Variants in CASZ1 observed in about 807,000 individuals in gnomAD.
The protein encoded by CASZ1 is castor zinc finger 1, also known as zinc finger protein castor homolog 1.
Under a neutral mutation model 135.2 loss-of-function variants are expected in CASZ1, and 28 were observed. That is an observed-to-expected ratio of 0.21 (90% CI 0.15 to 0.28). CASZ1 has a LOEUF of 0.28. CASZ1 is among the 10% of genes least tolerant of loss of function. The pLI, the probability that CASZ1 is intolerant of heterozygous loss-of-function variation, is 1.00. For synonymous variants in CASZ1, 1,068 were observed against 1,073.4 expected (o/e 0.99, Z 0.10); for missense variants, 2,161 against 2,453.3 (o/e 0.88, Z 2.52).
At chr1:10,738,261 C>A (rs1639839002) in intron 2 of CASZ1, among the ~76,000 whole-genome samples, 1 of 152,170 alleles carries the variant, frequency 6.6e-6, no homozygotes. Flanking sequence ...GCCGCCTGGG[C>A]CTTCCAGGTG....
intron 2 of CASZ1, among the ~76,000 whole-genome samples, chr1:10,734,365 T>C (rs1639757702): frequency 6.6e-6 from 1 of 152,092 alleles, no homozygotes; most frequent in Non-Finnish European, 1.5e-5. Context: ...CATCTTTTTA[T>C]TTTGTTTTTT....
At chr1:10,775,927 G>A (rs1039551970) in intron 1 of CASZ1, among the ~76,000 whole-genome samples, 1 of 151,964 alleles carries the variant, frequency 6.6e-6, no homozygotes, top group Non-Finnish European at 1.5e-5. Flanking sequence ...GTACCCTCCC[G>A]CTGCAGCCTC....
rs748228810 is a variant in CASZ1 at position 10,646,165 on chromosome 1, A to G, written c.3659T>C (p.Phe1220Ser). The change falls in exon 17 of 21, where the codon TTT (phenylalanine) becomes TCT (serine). Residue 1220 changes from phenylalanine to serine, a missense_variant. Transcript: ENST00000377022. This position sits in a 1 kb window ranked among gnomAD's most constrained non-coding sequence, Gnocchi z 6.4. ...GAGACACTGCAGAGAGTAGTATGCA[A>G]ACTGGTCTCGCACGTTCACCAGGTT... ...NNNLVNVRDQ[F>S]AYYSLQCLCP... 6.2e-7 allele frequency: 1 copy of G among 1,614,122 alleles called. No homozygotes were observed.
At position 10,699,259 on chromosome 1, in the gene CASZ1, T is replaced by C. The variant is rs1299878788; in HGVS notation, c.-23-5347A>G. On this transcript the variant is annotated intron_variant, in intron 3 of 20. Transcript: ENST00000377022. The surrounding 1 kb of genome is among the most constrained non-coding windows in gnomAD (Gnocchi z 4.6). ...TCCTGGGAAGTCAACGGCCCTGAACTGGCCAGGAGGAACGCCCTTGTGCCC... is the reference window on the plus strand; with the variant it reads ...TCCTGGGAAGTCAACGGCCCTGAACCGGCCAGGAGGAACGCCCTTGTGCCC... Among the ~76,000 whole-genome samples the C allele has an allele frequency of 6.6e-6, 1 of 152,214 alleles. No homozygotes were observed. The highest frequency in any genetic ancestry group is 2.4e-5 in the African/African-American group (1 of 41,452).
intron 20 of CASZ1, among the ~76,000 whole-genome samples, chr1:10,640,849 C>T (rs1347607668): frequency 6.6e-6 from 1 of 152,184 alleles, no homozygotes; most frequent in East Asian, 1.9e-4. Flanking sequence ...ATTTAGGATG[C>T]CCCCCTGCCA....
At chr1:10,675,591 G>A (rs917350147) in intron 4 of CASZ1, among the ~76,000 whole-genome samples, 2 of 152,134 alleles carry the variant, frequency 1.3e-5, no homozygotes, top group African/African-American at 4.8e-5. Context: ...GGAGGTGCCA[G>A]GTCCCCCGAC....
In CASZ1 at chr1:10,648,934, G is replaced by A. The variant is rs1268295085; in HGVS notation, c.3158+136C>T. 8 of 1,239,462 alleles carry A rather than the reference G, an allele frequency of 6.5e-6. No homozygotes were observed. In the African/African-American group the frequency reaches 9.0e-5, roughly 14 times the overall value. The allele number at this position is 1,239,462 out of a possible 1,614,324, so 76.8% of individuals were successfully genotyped here. A position where few individuals can be genotyped will look rare whatever the true frequency, so the allele number is the denominator to read the frequency against. ...GAGGATGGGAAGCCCACCCTTGCTG[G>A]GGCAGCATCTCCGAGAAGCCGGCTC... is the stretch of plus-strand genomic sequence containing the variant. On this transcript the variant is annotated intron_variant, in intron 15 of 20. Coordinates refer to ENST00000377022, the MANE Select transcript of CASZ1 (RefSeq NM_001079843.3).
chr1:10,692,323 C>T (rs1468016088), intron 4 of CASZ1, among the ~76,000 whole-genome samples: 1 of 152,216 alleles, frequency 6.6e-6, no homozygotes, highest in African/African-American at 2.4e-5. Flanking sequence ...CAAGCAGAGG[C>T]TCTCCTGCCC....
At chr1:10,766,201 C>G (rs995818829) in intron 1 of CASZ1, among the ~76,000 whole-genome samples, 2 of 150,500 alleles carry the variant, frequency 1.3e-5, no homozygotes, top group African/African-American at 4.9e-5. Flanking sequence ...ACGTTCAGCA[C>G]GTGCACACAC....
intron 4 of CASZ1, among the ~76,000 whole-genome samples, chr1:10,675,274 C>T (rs1214275227): frequency 6.6e-6 from 1 of 152,192 alleles, no homozygotes; most frequent in Non-Finnish European, 1.5e-5. Context: ...TTTCAGTGCC[C>T]TGCGCTGGCA....
At chr1:10,650,486 A>G in intron 13 of CASZ1, 2 of 519,490 alleles carry the variant, frequency 3.8e-6, no homozygotes, top group South Asian at 3.2e-5. Context: ...AGGCTGGAAT[A>G]TATTTCTTCA....
At position 10,654,562 on chromosome 1, in the gene CASZ1, C is replaced by A. The variant is rs758701928; in HGVS notation, c.1695G>T (p.Thr565=). The part of the protein sequence containing the change: ...QVGCNKVYTS[T]SDVMTHENFH... ...AGTTCTCGTGGGTCATCACGTCAGA[C>A]GTGCTCGTGTACACCTTGTTACAGC... Residue 565 remains threonine, a synonymous_variant, in exon 10 of 21, where the codon ACG becomes ACT. Coordinates refer to ENST00000377022, the MANE Select transcript of CASZ1 (RefSeq NM_001079843.3). 1.9e-6 allele frequency: 3 copies of A among 1,614,098 alleles called. No individual in the cohort carries two copies. Among genetic ancestry groups the A allele is most frequent in the African/African-American group, 2.7e-5 (2 of 74,936 alleles).
chr1:10,762,531 C>T lies in CASZ1; in HGVS notation c.-233-1674G>A, dbSNP rs142350272. Among the ~76,000 whole-genome samples, 1,446 of 152,248 alleles carry T rather than the reference C, an allele frequency of 9.5e-3. 23 individuals are homozygous for T. The highest frequency in any genetic ancestry group is 0.034 in the African/African-American group (1,393 of 41,518). On this transcript the variant is annotated intron_variant, in intron 1 of 20. Coordinates refer to ENST00000377022, the MANE Select transcript of CASZ1 (RefSeq NM_001079843.3). This position sits in a 1 kb window ranked among gnomAD's most constrained non-coding sequence, Gnocchi z 4.1. ...CCTGTTAGTCCAGAATCCCCCAAAGCCCTGGGCAGCCCGTCCACCCACAAA... is the reference window on the plus strand; with the variant it reads ...CCTGTTAGTCCAGAATCCCCCAAAGTCCTGGGCAGCCCGTCCACCCACAAA...
chr1:10,715,356 C>A (rs939093760), intron 2 of CASZ1, among the ~76,000 whole-genome samples: 2 of 152,100 alleles, frequency 1.3e-5, no homozygotes, highest in Non-Finnish European at 2.9e-5. Context: ...CCGCGCTAGG[C>A]AGGATCTGCG....
intron 1 of CASZ1, among the ~76,000 whole-genome samples, chr1:10,761,738 C>T (rs1042427067): frequency 6.6e-6 from 1 of 152,184 alleles, no homozygotes; most frequent in Admixed American, 6.5e-5. Flanking sequence ...AAAAAAGGAG[C>T]TCATGCGCGT....
At position 10,643,164 on chromosome 1, in the gene CASZ1, G is replaced by A; in HGVS notation, c.4016C>T (p.Ser1339Phe). Residue 1339 changes from serine (S) to phenylalanine (F), a missense_variant, in exon 19 of 21, where the codon TCC becomes TTC. Physicochemically the swap from Ser to Phe is radical, Grantham distance 155 (BLOSUM62 -2). Transcript: ENST00000377022. ...LGKNFDRVPP[S>F]QGPPGLMDAE... The stretch of plus-strand genomic sequence containing the variant: ...TCACCTGGGGGGGGCTCTCACCTGG[G>A]AGGGGGGCACGCGGTCGAAGTTCTT... The A allele has an allele frequency of 6.2e-7, 1 of 1,611,254 alleles. No individual in the cohort carries two copies. The highest frequency in any genetic ancestry group is 1.1e-5 in the South Asian group (1 of 90,986).
rs567822963 is a variant in CASZ1, at chr1:10,756,478, C to T, written c.-77+4223G>A. Among the ~76,000 whole-genome samples the T allele has an allele frequency of 9.8e-5, 15 of 152,364 alleles. No homozygotes were observed. The highest frequency in any genetic ancestry group is 1.8e-4 in the Non-Finnish European group (12 of 68,038). The stretch of plus-strand genomic sequence containing the variant: ...CAGCCGGCTGTGACAGCTTCACGCT[C>T]GCCAACCAGGCCTCTGGCTTGCTCC... On this transcript the variant is annotated intron_variant, in intron 2 of 20. Transcript: ENST00000377022. This position sits in a 1 kb window ranked among gnomAD's most constrained non-coding sequence, Gnocchi z 5.9.
chr1:10,656,549 C>T, intron 8 of CASZ1, 97 bp downstream of exon 8: 1 of 919,534 alleles, frequency 1.1e-6, no homozygotes, highest in Non-Finnish European at 1.7e-6. Flanking sequence ...GCAACTAGAA[C>T]TAACCCCCCC....
chr1:10,641,893 T>C (rs1160401658), intron 20 of CASZ1, among the ~76,000 whole-genome samples: 2 of 152,052 alleles, frequency 1.3e-5, no homozygotes, highest in African/African-American at 2.4e-5. Flanking sequence ...TCGGGGATGC[T>C]TGGCTGTGAG....
Sources: allele counts gnomAD v4.1 joint callset (sites outside exome capture counted in the v4.1 genomes callset), GRCh38; gene constraint gnomAD v4.1.1; non-coding constraint Gnocchi (gnomAD v3.1); transcripts MANE v1.5; gene names NCBI Gene and HGNC (gene_info 2026-07-23, HGNC 2026-07-21).